Variants in CHRM3 observed in about 807,000 individuals in gnomAD.
The protein encoded by CHRM3 is muscarinic acetylcholine receptor M3.
Under a neutral mutation model 41.8 loss-of-function variants are expected in CHRM3, and 11 were observed. The observed-to-expected ratio is 0.26, with a 90% CI of 0.17 to 0.44. The LOEUF (loss-of-function observed/expected upper bound fraction) is 0.44. CHRM3 is among the 20% of genes least tolerant of loss of function. The pLI, the probability that CHRM3 is intolerant of heterozygous loss-of-function variation, is 1.00. For missense variants in CHRM3, 571 were observed against 745.4 expected (o/e 0.77, Z 2.72); for synonymous variants, 297 against 301.4 (o/e 0.99, Z 0.15).
intron 4 of CHRM3, among the ~76,000 whole-genome samples, chr1:239,652,798 G>C (rs1251195396): frequency 6.7e-6 from 1 of 149,128 alleles, no homozygotes; most frequent in Non-Finnish European, 1.5e-5. Flanking sequence ...GTGTGGGGTT[G>C]CAACATCAGC....
chr1:239,483,168 T>G (rs993659336), intron 1 of CHRM3, among the ~76,000 whole-genome samples: 1 of 152,196 alleles, frequency 6.6e-6, no homozygotes, highest in Non-Finnish European at 1.5e-5. Context: ...TTTGAAAAAA[T>G]TACTTCACAT....
chr1:239,416,246 C>T (rs754710820), intron 1 of CHRM3, among the ~76,000 whole-genome samples: 7 of 152,170 alleles, frequency 4.6e-5, no homozygotes, highest in Admixed American at 1.3e-4. Context: ...TTTCTCCTAA[C>T]GTTTAGATTC....
At chr1:239,904,829 G>C (rs1319652151) in intron 6 of CHRM3, among the ~76,000 whole-genome samples, 1 of 152,124 alleles carries the variant, frequency 6.6e-6, no homozygotes, top group East Asian at 1.9e-4. Context: ...TTTTATATTA[G>C]AATATTTAGA....
chr1:239,653,463 A>G (rs1468253753), intron 4 of CHRM3, among the ~76,000 whole-genome samples: 5 of 152,146 alleles, frequency 3.3e-5, no homozygotes, highest in Admixed American at 2.0e-4. Flanking sequence ...GTAGCTTCAG[A>G]AGGGCCTGAC....
At chr1:239,764,466 A>G (rs1667045651) in intron 5 of CHRM3, among the ~76,000 whole-genome samples, 1 of 152,176 alleles carries the variant, frequency 6.6e-6, no homozygotes, top group South Asian at 2.1e-4. Flanking sequence ...AGTGAATACT[A>G]TGGGGCAGAT....
At position 239,392,337 on chromosome 1, in the gene CHRM3, A is replaced by T. The variant is rs185918886; in HGVS notation, c.-521+5110A>T. 7.9e-5 allele frequency among the ~76,000 whole-genome samples: 12 copies of T among 152,284 alleles called. 1 individual carries two copies. Among genetic ancestry groups the T allele is most frequent in the Admixed American group, 7.2e-4 (11 of 15,300 alleles). On this transcript the variant is annotated intron_variant, in intron 1 of 6. Transcript: ENST00000676153. Reference sequence around the variant, plus strand: ...TCAGTTCTCCACACCTCTCCCAAGCAATGTAATTTGAGTGGCTGACTATCC... The same window carrying T: ...TCAGTTCTCCACACCTCTCCCAAGCTATGTAATTTGAGTGGCTGACTATCC...
At chr1:239,878,440 G>C (rs563752955) in intron 6 of CHRM3, among the ~76,000 whole-genome samples, 1 of 152,026 alleles carries the variant, frequency 6.6e-6, no homozygotes, top group Non-Finnish European at 1.5e-5. Context: ...GAGAGTAATG[G>C]GGAGCAGCTG....
At chr1:239,644,813 C>A (rs1245376062) in intron 4 of CHRM3, among the ~76,000 whole-genome samples, 2 of 152,202 alleles carry the variant, frequency 1.3e-5, no homozygotes, top group Non-Finnish European at 2.9e-5. Flanking sequence ...GCTGACTGCA[C>A]TTGAGTAACA....
At chr1:239,407,793 A>T (rs1055733805) in intron 1 of CHRM3, among the ~76,000 whole-genome samples, 4 of 152,034 alleles carry the variant, frequency 2.6e-5, no homozygotes, top group South Asian at 2.1e-4. Context: ...GTTTCTAATT[A>T]AAAAAAATTA....
At chr1:239,813,503 T>C (rs959453183) in intron 5 of CHRM3, among the ~76,000 whole-genome samples, 1 of 152,148 alleles carries the variant, frequency 6.6e-6, no homozygotes, top group African/African-American at 2.4e-5. Context: ...CTATTAATTT[T>C]TGCAAACATT....
chr1:239,564,975 A>G (rs2148506942), intron 3 of CHRM3, among the ~76,000 whole-genome samples: 1 of 152,308 alleles, frequency 6.6e-6, no homozygotes, highest in East Asian at 1.9e-4. Context: ...CGGAGGCTCC[A>G]GGGGAGAATC....
intron 5 of CHRM3, among the ~76,000 whole-genome samples, chr1:239,713,833 A>T (rs935223492): frequency 3.3e-5 from 5 of 152,176 alleles, no homozygotes; most frequent in African/African-American, 7.2e-5. Context: ...TGATCACCTT[A>T]TTTAAGTATA....
Position 239,632,262 on chromosome 1 carries a change from A to ATTTATTTG in CHRM3, c.-274_-273insTTTATTTG, listed in dbSNP as rs1669937377. On this transcript the variant is annotated 5_prime_UTR_variant, in exon 4 of 7. The change abolishes the stop of an existing upstream ORF in the 5' untranslated region. Coordinates refer to ENST00000676153, the MANE Select transcript of CHRM3 (RefSeq NM_001375978.1). ...ATTAGTGGCCAAATAAATGACAGTC[A>ATTTATTTG]GAACTTCAGCTAAGGTACAATAAGG... 1.3e-5 allele frequency: 2 copies of ATTTATTTG among 152,248 alleles called. No homozygotes were observed. Among genetic ancestry groups the ATTTATTTG allele is most frequent in the South Asian group, 4.1e-4 (2 of 4,834 alleles). The allele number at this position is 152,248 out of a possible 1,614,324, so 9.4% of individuals were successfully genotyped here.
intron 5 of CHRM3, among the ~76,000 whole-genome samples, chr1:239,789,491 C>T (rs1364974227): frequency 3.3e-5 from 5 of 152,134 alleles, no homozygotes; most frequent in African/African-American, 2.4e-5. Flanking sequence ...GCAGGCTATA[C>T]AAGAAGTGTG....
chr1:239,542,727 A>G (rs995884558), intron 2 of CHRM3, among the ~76,000 whole-genome samples: 1 of 152,124 alleles, frequency 6.6e-6, no homozygotes, highest in African/African-American at 2.4e-5. Context: ...GATGCAATGA[A>G]ATGGGCAACC....
intron 4 of CHRM3, among the ~76,000 whole-genome samples, chr1:239,677,763 G>A (rs1240030260): frequency 1.3e-5 from 2 of 152,172 alleles, no homozygotes; most frequent in African/African-American, 4.8e-5. Context: ...TTTTGAAAAG[G>A]ACAGTCATTC....
At chr1:239,547,179 A>C (rs2148419495) in intron 3 of CHRM3, among the ~76,000 whole-genome samples, 1 of 152,302 alleles carries the variant, frequency 6.6e-6, no homozygotes, top group Non-Finnish European at 1.5e-5. Flanking sequence ...CAGGTAACAT[A>C]TTCACTGGCT....
chr1:239,660,094 G>C (rs778122964), intron 4 of CHRM3, among the ~76,000 whole-genome samples: 204 of 152,266 alleles, frequency 1.3e-3, no homozygotes, highest in Non-Finnish European at 2.1e-3. Flanking sequence ...CCAAGTAGCT[G>C]GTGCTACAGG....
At chr1:239,715,944 A>T (rs1226125559) in intron 5 of CHRM3, among the ~76,000 whole-genome samples, 1 of 152,114 alleles carries the variant, frequency 6.6e-6, no homozygotes, top group Non-Finnish European at 1.5e-5. Context: ...AGTCCTAGTG[A>T]TGTTGAAGAC....
Sources: allele counts gnomAD v4.1 joint callset (sites outside exome capture counted in the v4.1 genomes callset), GRCh38; gene constraint gnomAD v4.1.1; transcripts MANE v1.5; gene names NCBI Gene and HGNC (gene_info 2026-07-23, HGNC 2026-07-21).